The following CCDC61 variants were observed in gnomAD, a reference collection of about 807,000 sequenced individuals.
CCDC61 encodes centrosomal protein CCDC61.
In CCDC61, 55 loss-of-function variants were observed where a neutral mutation model predicts 63.0. That is an observed-to-expected ratio of 0.87 (90% CI 0.70 to 1.09). The LOEUF (loss-of-function observed/expected upper bound fraction) is 1.09, where lower values mean the gene tolerates loss of function less well. Ranked by LOEUF, CCDC61 falls within the 50% of genes least tolerant of loss-of-function variation. The pLI, the probability that CCDC61 is intolerant of heterozygous loss-of-function variation, is 0.00. For synonymous variants in CCDC61, 270 were observed against 317.0 expected (o/e 0.85, Z 1.58); for missense variants, 651 against 731.4 (o/e 0.89, Z 1.27).
At chr19:45,999,974 G>C in intron 1 of CCDC61, 1 of 970,688 alleles carries the variant, frequency 1.0e-6, no homozygotes, top group Non-Finnish European at 1.2e-6. Flanking sequence ...CTGAGAAGAG[G>C]AACTGGGAGA....
chr19:46,006,772 G>A, intron 4 of CCDC61, 56 bp downstream of exon 4: 3 of 1,525,832 alleles, frequency 2.0e-6, no homozygotes, highest in Non-Finnish European at 2.7e-6. Context: ...GGGAGAGGAT[G>A]TGGGTAGGCC....
intron 5 of CCDC61, among the ~76,000 whole-genome samples, chr19:46,014,838 C>T (rs923668052): frequency 6.6e-5 from 10 of 152,098 alleles, no homozygotes; most frequent in Non-Finnish European, 1.5e-4. Context: ...ATGTCCTCTT[C>T]GTGAGGTGCA....
At chr19:46,014,554 C>T (rs1418625832) in intron 5 of CCDC61, among the ~76,000 whole-genome samples, 1 of 152,140 alleles carries the variant, frequency 6.6e-6, no homozygotes, top group Non-Finnish European at 1.5e-5. Context: ...TTTGCTATTA[C>T]AGATTGTGCT....
chr19:46,000,363 A>C (rs1302791710), intron 1 of CCDC61, among the ~76,000 whole-genome samples: 1 of 152,040 alleles, frequency 6.6e-6, no homozygotes, highest in African/African-American at 2.4e-5. Flanking sequence ...AACGGGGTGC[A>C]TTGAAGTTGA....
intron 5 of CCDC61, among the ~76,000 whole-genome samples, chr19:46,012,700 G>C (rs963752561): frequency 1.3e-5 from 2 of 151,260 alleles, no homozygotes; most frequent in African/African-American, 4.9e-5. Flanking sequence ...CATAGCCTCC[G>C]TATGTCTTTT....
rs202208594 is a variant in CCDC61, at chr19:46,005,394, T to G, written c.232-1165T>G. 2.1e-4 allele frequency among the ~76,000 whole-genome samples: 32 copies of G among 152,338 alleles called. 1 individual carries two copies. The East Asian group carries it at 4.0e-3, about 19-fold the overall frequency. On this transcript the variant is annotated intron_variant, in intron 3 of 13. Coordinates refer to ENST00000595358, the MANE Select transcript of CCDC61 (RefSeq NM_001267723.2). ...GAACTTTTTGTATTGTTACATTAAA[T>G]TCCACTGACTTATCTTGCATTTTGT...
At chr19:45,999,211 G>GT (rs1450647130) in intron 1 of CCDC61, among the ~76,000 whole-genome samples, 1 of 152,146 alleles carries the variant, frequency 6.6e-6, no homozygotes, top group African/African-American at 2.4e-5. Context: ...GGGAACTGGG[G>GT]TGCCGCAGTG....
rs138444388 is a variant in CCDC61 at position 46,003,029 on chromosome 19, C to T, written c.11C>T (p.Pro4Leu). Residue 4 changes from proline to leucine, a missense_variant, in exon 2 of 14, where the codon CCG (proline) becomes CTG (leucine). Physicochemically the swap from Pro to Leu is moderately conservative, Grantham distance 98 (BLOSUM62 -3). Coordinates refer to ENST00000595358, the MANE Select transcript of CCDC61 (RefSeq NM_001267723.2). ...CCAGCAACCTTGGCCATGGACCAGC[C>T]GGCTGGCCTGCAGGTGGACTACGTC... MDQPAGLQVDYVFR... is the reference protein window; with the variant it reads MDQLAGLQVDYVFR... 3.5e-5 allele frequency: 54 copies of T among 1,564,588 alleles called. No homozygotes were observed. The African/African-American group carries it at 4.9e-4, about 14-fold the overall frequency.
At position 46,016,297 on chromosome 19, in the gene CCDC61, T is replaced by A; in HGVS notation, c.1016-21T>A. On this transcript the variant is annotated intron_variant, in intron 8 of 13. Transcript: ENST00000595358. This position sits in a 1 kb window ranked among gnomAD's most constrained non-coding sequence, Gnocchi z 7.2. ...AGGCCCGTCTCCGGACCTAGCCGCC[T>A]CCTCTCCCACGCCGTCCTAGGTGGT... 6.2e-7 allele frequency: 1 copy of A among 1,612,774 alleles called. No individual in the cohort carries two copies. Among genetic ancestry groups the A allele is most frequent in the Non-Finnish European group, 8.5e-7 (1 of 1,179,324 alleles).
At position 46,017,476 on chromosome 19, in the gene CCDC61, G is replaced by A. The variant is rs547750630; in HGVS notation, c.1368+172G>A. Among the ~76,000 whole-genome samples, 3 of 152,018 alleles carry A rather than the reference G, an allele frequency of 2.0e-5. No homozygotes were observed. In the South Asian group the frequency reaches 6.3e-4, roughly 32 times the overall value. On this transcript the variant is annotated intron_variant, in intron 12 of 13. Coordinates refer to ENST00000595358, the MANE Select transcript of CCDC61 (RefSeq NM_001267723.2). ...GTGCAGTGGGGCAATTGTAGCTCAC[G>A]GCAGCTTTCAACTCCTGGACTCAAG...
chr19:46,013,810 G>GC (rs1968873564), intron 5 of CCDC61, among the ~76,000 whole-genome samples: 1 of 151,596 alleles, frequency 6.6e-6, no homozygotes, highest in South Asian at 2.1e-4. Flanking sequence ...AGGTTGCAGT[G>GC]AGCCAAGATC....
At chr19:46,007,775 C>T (rs1968740236) in intron 4 of CCDC61, among the ~76,000 whole-genome samples, 1 of 152,198 alleles carries the variant, frequency 6.6e-6, no homozygotes, top group Non-Finnish European at 1.5e-5. Context: ...GCCAGGGTCA[C>T]CCAGGCCAGG....
chr19:46,007,516 A>G (rs187744769), intron 4 of CCDC61, among the ~76,000 whole-genome samples: 72 of 152,220 alleles, frequency 4.7e-4, no homozygotes, highest in Admixed American at 1.8e-3. Context: ...AAGACTCCCA[A>G]CAGATTTCCT....
rs551581586 is a variant in CCDC61, at chr19:46,008,331, C to T, written c.551+30C>T. ...GTCTTGGAGGGGTGGGCAGCTGGGG[C>T]GGGTGGGGGCCCTCCCATCATGCAC... is the stretch of plus-strand genomic sequence containing the variant. On this transcript the variant is annotated intron_variant, in intron 5 of 13. Transcript: ENST00000595358. The T allele has an allele frequency of 5.7e-5, 28 of 494,246 alleles. No individual in the cohort carries two copies. The East Asian group carries it at 7.7e-4, about 14-fold the overall frequency. 30.6% of individuals were successfully genotyped at this position (494,246 alleles called of 1,614,324 possible).
Position 46,018,344 on chromosome 19 carries a change from A to T in CCDC61, c.1496A>T (p.Lys499Met). 1 of 1,576,846 alleles carries T rather than the reference A, an allele frequency of 6.3e-7. No individual in the cohort carries two copies. The highest frequency in any genetic ancestry group is 8.6e-7 in the Non-Finnish European group (1 of 1,161,688). Residue 499 changes from lysine (K) to methionine (M), a missense_variant, in exon 14 of 14, where the codon AAG (lysine) becomes ATG (methionine). Physicochemically the swap from Lys to Met is moderately conservative, Grantham distance 95. Coordinates refer to ENST00000595358, the MANE Select transcript of CCDC61 (RefSeq NM_001267723.2). The surrounding 1 kb of genome is among the most constrained non-coding windows in gnomAD (Gnocchi z 4.2). Reference sequence around the variant, plus strand: ...ATGGCCGAAATAGACGCACGCCTGAAGGCCTTGCAGGAGTACATGAACCGA... The same window carrying T: ...ATGGCCGAAATAGACGCACGCCTGATGGCCTTGCAGGAGTACATGAACCGA... The part of the protein sequence containing the change: ...ADMAEIDARL[K>M]ALQEYMNRLD...
chr19:45,997,686 G>T (rs1338043520), intron 1 of CCDC61, among the ~76,000 whole-genome samples: 3 of 124,288 alleles, frequency 2.4e-5, no homozygotes, highest in Non-Finnish European at 5.1e-5. Context: ...CCACTGCGCT[G>T]GGCCTATTAT....
intron 3 of CCDC61, 73 bp downstream of exon 3, chr19:46,003,574 T>C (rs1225667643): frequency 4.7e-6 from 5 of 1,058,140 alleles, no homozygotes; most frequent in Non-Finnish European, 5.7e-6. Flanking sequence ...TTGATGCCCA[T>C]CTGATGTATG....
At chr19:45,996,355 T>G (rs1177238131) in intron 1 of CCDC61, 2 of 152,170 alleles carry the variant, frequency 1.3e-5, no homozygotes, top group Non-Finnish European at 2.9e-5. Context: ...TTGCGATTTC[T>G]TCCTTTCAAC....
Position 46,015,949 on chromosome 19 carries a change from G to GCCC in CCDC61, c.846-105_846-104insCCC. 6 of 1,012,656 alleles carry GCCC rather than the reference G, an allele frequency of 5.9e-6. No homozygotes were observed. The highest frequency in any genetic ancestry group is 7.6e-6 in the Non-Finnish European group (6 of 790,350). The allele number at this position is 1,012,656 out of a possible 1,614,324, so 62.7% of individuals were successfully genotyped here. Reference sequence around the variant, plus strand: ...GCCCAGGAGTGCACGTCTAGGAGTTGATGGGGTAGGCCTGAGGGTTCGGAG... The same window carrying GCCC: ...GCCCAGGAGTGCACGTCTAGGAGTTGCCCATGGGGTAGGCCTGAGGGTTCGGAG... On this transcript the variant is annotated intron_variant, in intron 7 of 13. Coordinates refer to ENST00000595358, the MANE Select transcript of CCDC61 (RefSeq NM_001267723.2). The surrounding 1 kb of genome is among the most constrained non-coding windows in gnomAD (Gnocchi z 5.3).
Sources: allele counts gnomAD v4.1 joint callset (sites outside exome capture counted in the v4.1 genomes callset), GRCh38; gene constraint gnomAD v4.1.1; non-coding constraint Gnocchi (gnomAD v3.1); transcripts MANE v1.5; gene names NCBI Gene and HGNC (gene_info 2026-07-23, HGNC 2026-07-21).